Variants in PELI2 observed in about 807,000 individuals in gnomAD.
PELI2 encodes the protein E3 ubiquitin-protein ligase pellino homolog 2.
PELI2 carries 23 observed loss-of-function variants against 42.3 expected under a neutral mutation model. The ratio of observed to expected loss-of-function variants is 0.54; its 90% CI spans 0.39 to 0.77. The LOEUF (loss-of-function observed/expected upper bound fraction) is 0.77, where lower values mean the gene tolerates loss of function less well. PELI2 is among the 30% of genes least tolerant of loss of function. The pLI is 0.00. For missense variants in PELI2, 463 were observed against 553.2 expected (o/e 0.84, Z 1.64); for synonymous variants, 245 against 212.2 (o/e 1.15, Z -1.34).
intron 1 of PELI2, among the ~76,000 whole-genome samples, chr14:56,127,665 T>C (rs1352462778): frequency 1.3e-5 from 2 of 152,220 alleles, no homozygotes; most frequent in Non-Finnish European, 2.9e-5. Context: ...GCTACAGGCC[T>C]AGAATCCACT....
Position 56,118,601 on chromosome 14 carries a change from G to C in PELI2, c.-60G>C, listed in dbSNP as rs1882936334. 8.9e-7 allele frequency: 1 copy of C among 1,125,240 alleles called. No individual in the cohort carries two copies. Among genetic ancestry groups the C allele is most frequent in the Non-Finnish European group, 1.2e-6 (1 of 853,854 alleles). The allele number at this position is 1,125,240 out of a possible 1,614,324, so 69.7% of individuals were successfully genotyped here. On this transcript the variant is annotated 5_prime_UTR_variant, in exon 1 of 6. Coordinates refer to ENST00000267460, the MANE Select transcript of PELI2 (RefSeq NM_021255.3). The stretch of plus-strand genomic sequence containing the variant: ...GGATTGTAGCGGCGGCGCGGACTCG[G>C]CGGGGATCGCGGCGGAGGCGGCGGC...
chr14:56,144,852 G>C lies in PELI2; in HGVS notation c.77+26115G>C, dbSNP rs1884054782. ...TCTTACCCTGTAATCTCAGCACTTA[G>C]TATGGGGCCTTGTACAGGAATAAAA... On this transcript the variant is annotated intron_variant, in intron 1 of 5. Transcript: ENST00000267460. 7.7e-6 allele frequency: 3 copies of C among 387,732 alleles called. No individual in the cohort carries two copies. In the South Asian group the frequency reaches 3.2e-4, roughly 42 times the overall value. 24.0% of individuals were successfully genotyped at this position (387,732 alleles called of 1,614,324 possible). A position where few individuals can be genotyped will look rare whatever the true frequency, so the allele number is the denominator to read the frequency against.
chr14:56,293,380 C>A (rs1450095124), intron 5 of PELI2, among the ~76,000 whole-genome samples: 1 of 152,178 alleles, frequency 6.6e-6, no homozygotes, highest in African/African-American at 2.4e-5. Context: ...ATCAGGCCAC[C>A]AGGTTCAAGT....
chr14:56,229,125 G>A (rs531671687), intron 2 of PELI2, among the ~76,000 whole-genome samples: 3 of 151,960 alleles, frequency 2.0e-5, no homozygotes, highest in South Asian at 2.1e-4. Flanking sequence ...GGAGCCCACC[G>A]CAGGAGGCCT....
At chr14:56,190,636 T>C (rs1408582295) in intron 2 of PELI2, among the ~76,000 whole-genome samples, 1 of 152,252 alleles carries the variant, frequency 6.6e-6, no homozygotes, top group East Asian at 1.9e-4. Flanking sequence ...TTTTTGTTGC[T>C]GACTACTTTC....
intron 1 of PELI2, among the ~76,000 whole-genome samples, chr14:56,161,945 G>T (rs1371768187): frequency 6.6e-6 from 1 of 152,050 alleles, no homozygotes; most frequent in Non-Finnish European, 1.5e-5. Context: ...TACTTTGTAA[G>T]ACTTTCCCAT....
rs1889186388 is a variant in PELI2 at position 56,273,737 on chromosome 14, A to G, written c.208-5939A>G. 6.6e-6 allele frequency among the ~76,000 whole-genome samples: 1 copy of G among 152,188 alleles called. No individual in the cohort carries two copies. ...GACATGAAGTTTTTAAGTGTGAGTG[A>G]CTGTTGTGCTATTGACTGAAATAGG... On this transcript the variant is annotated intron_variant, in intron 2 of 5. Coordinates refer to ENST00000267460, the MANE Select transcript of PELI2 (RefSeq NM_021255.3). The surrounding 1 kb of genome is among the most constrained non-coding windows in gnomAD (Gnocchi z 4.3).
intron 2 of PELI2, among the ~76,000 whole-genome samples, chr14:56,278,030 T>C (rs532896510): frequency 2.6e-5 from 4 of 152,376 alleles, no homozygotes; most frequent in African/African-American, 9.6e-5. Context: ...AGACATTTTA[T>C]GCAATATGTA....
intron 5 of PELI2, among the ~76,000 whole-genome samples, chr14:56,294,569 T>C (rs1011280043): frequency 3.9e-5 from 6 of 152,246 alleles, no homozygotes; most frequent in African/African-American, 1.4e-4. Context: ...TACCTCTCTC[T>C]TTCCCTTACA....
chr14:56,185,302 T>C (rs242393), intron 2 of PELI2, among the ~76,000 whole-genome samples: 11,426 of 152,244 alleles, frequency 0.075, 793 homozygotes, highest in East Asian at 0.29. Flanking sequence ...AATTCTGTCG[T>C]TGCAAATAAT....
chr14:56,143,098 G>A (rs918891499), intron 1 of PELI2, among the ~76,000 whole-genome samples: 4 of 151,956 alleles, frequency 2.6e-5, no homozygotes, highest in Non-Finnish European at 5.9e-5. Context: ...TGCATTGGTT[G>A]TCATGTCTCC....
Position 56,118,820 on chromosome 14 carries a change from G to T in PELI2, c.77+83G>T, listed in dbSNP as rs1882948881. 9 of 924,098 alleles carry T rather than the reference G, an allele frequency of 9.7e-6. No homozygotes were observed. In the South Asian group the frequency reaches 1.9e-4, roughly 19 times the overall value. 57.2% of individuals were successfully genotyped at this position (924,098 alleles called of 1,614,324 possible). A position where few individuals can be genotyped will look rare whatever the true frequency, so the allele number is the denominator to read the frequency against. On this transcript the variant is annotated intron_variant, in intron 1 of 5. Transcript: ENST00000267460. ...TGGAGCGGGGCTGGCGGGGTGGCTCGGTGCTCTTTGGGGACCGCCGGGGCG... is the reference window on the plus strand; with the variant it reads ...TGGAGCGGGGCTGGCGGGGTGGCTCTGTGCTCTTTGGGGACCGCCGGGGCG...
intron 1 of PELI2, among the ~76,000 whole-genome samples, chr14:56,144,070 A>G (rs1884018096): frequency 6.6e-6 from 1 of 152,182 alleles, no homozygotes. Context: ...GTGCATGTGT[A>G]TACTCATACT....
chr14:56,222,302 T>G (rs1887164926), intron 2 of PELI2, among the ~76,000 whole-genome samples: 1 of 152,248 alleles, frequency 6.6e-6, no homozygotes, highest in Admixed American at 6.5e-5. Flanking sequence ...GTTGTTTTGC[T>G]GGATGTAGAT....
rs1406437952 is a variant in PELI2 at position 56,297,055 on chromosome 14, C to T, written c.1152C>T (p.Ile384=). 4 of 1,613,466 alleles carry T rather than the reference C, an allele frequency of 2.5e-6. No homozygotes were observed. The highest frequency in any genetic ancestry group is 3.4e-6 in the Non-Finnish European group (4 of 1,179,958). The part of the protein sequence containing the change: ...SEKSAKYWSQ[I]PLPHGTHAFH... Reference sequence around the variant, plus strand: ...AGTCTGCAAAATACTGGTCTCAGATCCCGTTGCCTCATGGAACTCATGCAT... The same window carrying T: ...AGTCTGCAAAATACTGGTCTCAGATTCCGTTGCCTCATGGAACTCATGCAT... The change falls in exon 6 of 6, where the codon ATC becomes ATT. Residue 384 remains isoleucine (I), a synonymous_variant. Coordinates refer to ENST00000267460, the MANE Select transcript of PELI2 (RefSeq NM_021255.3).
chr14:56,263,288 A>G (rs945499724), intron 2 of PELI2, among the ~76,000 whole-genome samples: 2 of 152,064 alleles, frequency 1.3e-5, no homozygotes, highest in Non-Finnish European at 2.9e-5. Context: ...TTTACCCCAC[A>G]TTTCTTTTAA....
At chr14:56,266,027 T>C (rs1046192401) in intron 2 of PELI2, among the ~76,000 whole-genome samples, 1 of 151,992 alleles carries the variant, frequency 6.6e-6, no homozygotes, top group Non-Finnish European at 1.5e-5. Context: ...TAAAACTGAA[T>C]ACTCTGCAAT....
chr14:56,247,375 A>G (rs1888201020), intron 2 of PELI2, among the ~76,000 whole-genome samples: 1 of 152,172 alleles, frequency 6.6e-6, no homozygotes, highest in Non-Finnish European at 1.5e-5. Flanking sequence ...CCCCTTACGG[A>G]TGGATGTTTA....
In PELI2 at chr14:56,178,482, G is replaced by A. The variant is rs556969464; in HGVS notation, c.207+18G>A. ...CATCCAAGGTAGGTGGGTCTGTCAA[G>A]AGTTGGGAGGGTGCTGGCAAACAGT... On this transcript the variant is annotated intron_variant, in intron 2 of 5. Coordinates refer to ENST00000267460, the MANE Select transcript of PELI2 (RefSeq NM_021255.3). 6.2e-7 allele frequency: 1 copy of A among 1,613,888 alleles called. No homozygotes were observed.
Sources: allele counts gnomAD v4.1 joint callset (sites outside exome capture counted in the v4.1 genomes callset), GRCh38; gene constraint gnomAD v4.1.1; non-coding constraint Gnocchi (gnomAD v3.1); transcripts MANE v1.5; gene names NCBI Gene and HGNC (gene_info 2026-07-23, HGNC 2026-07-21).